Variants in THSD7B observed in about 807,000 individuals in gnomAD.
The protein encoded by THSD7B is thrombospondin type-1 domain-containing protein 7B.
In THSD7B, 138 loss-of-function variants were observed where a neutral mutation model predicts 213.6. That is an observed-to-expected ratio of 0.65 (90% CI 0.56 to 0.74). The LOEUF (loss-of-function observed/expected upper bound fraction) is 0.74. Ranked by LOEUF, THSD7B falls within the 30% of genes least tolerant of loss-of-function variation. The pLI is 0.00. For synonymous variants in THSD7B, 742 were observed against 687.0 expected, an observed-to-expected ratio of 1.08 and a Z score of -1.25; for missense variants, 1,931 against 1,991.5, an observed-to-expected ratio of 0.97 and a Z score of 0.58.
intron 1 of THSD7B, among the ~76,000 whole-genome samples, chr2:136,868,193 CAT>C (rs1489241481): frequency 6.6e-6 from 1 of 152,002 alleles, no homozygotes; most frequent in Non-Finnish European, 1.5e-5. Context: ...ACTGGTCAAA[CAT>C]GTTCTTGCAA....
At chr2:137,208,464 C>G (rs1681033056) in intron 7 of THSD7B, among the ~76,000 whole-genome samples, 1 of 151,978 alleles carries the variant, frequency 6.6e-6, no homozygotes, top group South Asian at 2.1e-4. Flanking sequence ...CTTTAAGGCC[C>G]AGGAAAGGCC....
rs79443131 is a variant in THSD7B at position 137,231,056 on chromosome 2, C to T, written c.1736C>T (p.Ser579Leu). 7.6e-3 allele frequency: 12,212 copies of T among 1,613,154 alleles called. 442 individuals are homozygous for T. The Admixed American group carries it at 0.091, about 12-fold the overall frequency. ...VCQNDRGEDVSGSLCPVPPPP... is the reference protein window; with the variant it reads ...VCQNDRGEDVLGSLCPVPPPP... ...TTGTTGATTGTAGGAGAAGATGTATCAGGGAGTCTTTGCCCAGTTCCCCCT... is the reference window on the plus strand; with the variant it reads ...TTGTTGATTGTAGGAGAAGATGTATTAGGGAGTCTTTGCCCAGTTCCCCCT... The change falls in exon 8 of 28, where the codon TCA (serine) becomes TTA (leucine). Residue 579 changes from serine to leucine, a missense_variant. Ser to Leu is a moderately radical substitution (Grantham distance 145, BLOSUM62 -2). Transcript: ENST00000409968.
chr2:137,527,151 A>G (rs886608553), intron 15 of THSD7B, among the ~76,000 whole-genome samples: 2 of 152,178 alleles, frequency 1.3e-5, no homozygotes, highest in African/African-American at 4.8e-5. Context: ...AAAGTTTAAA[A>G]CAAGCATTTT....
intron 7 of THSD7B, among the ~76,000 whole-genome samples, chr2:137,203,689 C>T (rs1680923607): frequency 6.6e-6 from 1 of 151,946 alleles, no homozygotes; most frequent in Admixed American, 6.6e-5. Flanking sequence ...GACTTCAAAA[C>T]ATCAATAAGG....
At chr2:137,321,088 A>G (rs1191736325) in intron 12 of THSD7B, among the ~76,000 whole-genome samples, 5 of 152,234 alleles carry the variant, frequency 3.3e-5, no homozygotes, top group Non-Finnish European at 7.3e-5. Context: ...TTAGTTATAT[A>G]AAGTCCTCAC....
intron 1 of THSD7B, among the ~76,000 whole-genome samples, chr2:136,829,701 C>T (rs544457743): frequency 6.6e-6 from 1 of 152,136 alleles, no homozygotes; most frequent in South Asian, 2.1e-4. Flanking sequence ...TTAATAGGGA[C>T]AGGGAAAGCC....
In THSD7B at chr2:137,010,748, C is replaced by G. The variant is rs150446168; in HGVS notation, c.140-45672C>G. ...AAGCCCAGCTGAGGAGCTCTCTAGA[C>G]CCGGGAATACAGTGGGTAATAGATG... is the stretch of plus-strand genomic sequence containing the variant. On this transcript the variant is annotated intron_variant, in intron 2 of 27. Coordinates refer to ENST00000409968, the MANE Select transcript of THSD7B (RefSeq NM_001316349.2). Among the ~76,000 whole-genome samples the G allele has an allele frequency of 2.6e-5, 4 of 152,286 alleles. No individual in the cohort carries two copies. The East Asian group carries it at 7.7e-4, about 29-fold the overall frequency.
intron 2 of THSD7B, among the ~76,000 whole-genome samples, chr2:137,047,064 A>G (rs1036024916): frequency 2.6e-5 from 4 of 152,232 alleles, no homozygotes; most frequent in African/African-American, 9.6e-5. Flanking sequence ...ATTAGGTCCT[A>G]TAGGACCACA....
intron 17 of THSD7B, among the ~76,000 whole-genome samples, chr2:137,585,943 G>T (rs1302654804): frequency 6.6e-6 from 1 of 152,120 alleles, no homozygotes; most frequent in African/African-American, 2.4e-5. Flanking sequence ...GGATGTTAAA[G>T]TCTCCCATTA....
intron 14 of THSD7B, among the ~76,000 whole-genome samples, chr2:137,432,771 G>A (rs760362914): frequency 6.6e-6 from 1 of 152,040 alleles, no homozygotes; most frequent in Non-Finnish European, 1.5e-5. Flanking sequence ...TTCTTTTTAA[G>A]GTGGACTTCT....
intron 7 of THSD7B, among the ~76,000 whole-genome samples, chr2:137,214,929 A>G (rs1681202839): frequency 6.6e-6 from 1 of 152,182 alleles, no homozygotes; most frequent in African/African-American, 2.4e-5. Context: ...CATGATTTAT[A>G]ATCCTTTGGG....
rs762145938 is a variant in THSD7B, at chr2:137,115,260, G to A, written c.1336G>A (p.Val446Ile). The A allele has an allele frequency of 7.5e-6, 12 of 1,600,424 alleles. No homozygotes were observed. Among genetic ancestry groups the A allele is most frequent in the East Asian group, 2.2e-5 (1 of 44,462 alleles). ...CCGGGAGGTGTACTGTGCCCAGAGC[G>A]TACCAGCAGCTGCCGCACTGAGGGC... ...QTREVYCAQSVPAAAALRAKE... is the reference protein window; with the variant it reads ...QTREVYCAQSIPAAAALRAKE... Residue 446 changes from valine (V) to isoleucine (I), a missense_variant, in exon 5 of 28, where the codon GTA becomes ATA. Coordinates refer to ENST00000409968, the MANE Select transcript of THSD7B (RefSeq NM_001316349.2).
chr2:137,359,216 C>A (rs1685200355), intron 12 of THSD7B, among the ~76,000 whole-genome samples: 1 of 152,150 alleles, frequency 6.6e-6, no homozygotes, highest in East Asian at 1.9e-4. Flanking sequence ...TTGTATCCAA[C>A]CTTCAGGGTC....
chr2:137,556,728 A>G (rs949469401), intron 15 of THSD7B, among the ~76,000 whole-genome samples: 13 of 152,246 alleles, frequency 8.5e-5, no homozygotes, highest in African/African-American at 3.1e-4. Flanking sequence ...TAAATGCTCC[A>G]ATTAAAAGAC....
chr2:137,303,549 C>T (rs974302488), intron 12 of THSD7B, among the ~76,000 whole-genome samples: 1 of 150,390 alleles, frequency 6.6e-6, no homozygotes, highest in Admixed American at 6.6e-5. Flanking sequence ...TTGAGAGATA[C>T]ATTAAGAAGT....
In THSD7B at chr2:137,419,171, G is replaced by T. The variant is rs117340237; in HGVS notation, c.2959+7299G>T. Among the ~76,000 whole-genome samples the T allele has an allele frequency of 6.5e-4, 98 of 151,872 alleles. 2 individuals are homozygous for T. In the East Asian group the frequency reaches 0.018, roughly 28 times the overall value. ...GATTCACCCCTGTTGGCTTCCCAAA[G>T]TGCTGGGTTTATAGGCATGAACCAC... On this transcript the variant is annotated intron_variant, in intron 14 of 27. Coordinates refer to ENST00000409968, the MANE Select transcript of THSD7B (RefSeq NM_001316349.2).
intron 17 of THSD7B, among the ~76,000 whole-genome samples, chr2:137,590,791 A>ATTTTTTTTTTTTTT (rs1573730097): frequency 2.1e-5 from 2 of 96,944 alleles, no homozygotes; most frequent in South Asian, 4.0e-4. Context: ...GCTTTGAAAT[A>ATTTTTTTTTTTTTT]GTTTTTTTTT....
chr2:137,127,849 C>T lies in THSD7B; in HGVS notation c.1369+12556C>T, dbSNP rs577182129. 8.3e-4 allele frequency among the ~76,000 whole-genome samples: 126 copies of T among 152,006 alleles called. 1 individual carries two copies. The highest frequency in any genetic ancestry group is 2.9e-3 in the African/African-American group (121 of 41,462). On this transcript the variant is annotated intron_variant, in intron 5 of 27. Coordinates refer to ENST00000409968, the MANE Select transcript of THSD7B (RefSeq NM_001316349.2). ...AGGAGAATTGCTTGAACCCGGGAGG[C>T]GGAGGTTGCAGTAAGCTAAGATTAT...
chr2:137,425,368 C>A (rs994264954), intron 14 of THSD7B, among the ~76,000 whole-genome samples: 3 of 151,854 alleles, frequency 2.0e-5, no homozygotes, highest in African/African-American at 4.8e-5. Flanking sequence ...AGGCATGCAC[C>A]ACCACGCCCA....
Sources: allele counts gnomAD v4.1 joint callset (sites outside exome capture counted in the v4.1 genomes callset), GRCh38; gene constraint gnomAD v4.1.1; transcripts MANE v1.5; gene names NCBI Gene and HGNC (gene_info 2026-07-23, HGNC 2026-07-21).